NUP107: variants seen among roughly 807,000 people sequenced by gnomAD.
NUP107 encodes nucleoporin 107.
Under a neutral mutation model 141.0 loss-of-function variants are expected in NUP107, and 101 were observed. That is an observed-to-expected ratio of 0.72 (90% CI 0.61 to 0.84). The LOEUF is 0.84. NUP107 is among the 40% of genes least tolerant of loss of function. The pLI is 0.00. For synonymous variants in NUP107, 319 were observed against 363.9 expected (o/e 0.88, Z 1.41); for missense variants, 941 against 1,102.7 (o/e 0.85, Z 2.08).
Position 68,733,008 on chromosome 12 carries a change from T to G in NUP107, c.2101+269T>G, listed in dbSNP as rs755940881. Among the ~76,000 whole-genome samples the G allele has an allele frequency of 6.0e-4, 91 of 152,292 alleles. No homozygotes were observed. In the Middle Eastern group the frequency reaches 0.02, roughly 34 times the overall value. ...TTTTTATTCTTTTTTAAAACGTTTTTGTTCAAATTCGTGTATTTTTGAATT... is the reference window on the plus strand; with the variant it reads ...TTTTTATTCTTTTTTAAAACGTTTTGGTTCAAATTCGTGTATTTTTGAATT... On this transcript the variant is annotated intron_variant, in intron 23 of 27. Transcript: ENST00000229179.
chr12:68,718,234 T>A (rs564214166), intron 12 of NUP107, among the ~76,000 whole-genome samples: 10 of 152,322 alleles, frequency 6.6e-5, no homozygotes, highest in African/African-American at 2.4e-4. Context: ...ATATTTTCTT[T>A]CCCAGTATCT....
chr12:68,721,203 AT>A, intron 15 of NUP107, 26 bp downstream of exon 15: 2 of 1,506,380 alleles, frequency 1.3e-6, no homozygotes, highest in African/African-American at 1.4e-5. Flanking sequence ...TAATGTTTAA[AT>A]TTTTTCTGTG....
chr12:68,718,768 A>G (rs1238440123), intron 12 of NUP107, among the ~76,000 whole-genome samples: 1 of 152,134 alleles, frequency 6.6e-6, no homozygotes, highest in Non-Finnish European at 1.5e-5. Context: ...CTGTCTCTAC[A>G]AAAAAATTTA....
At chr12:68,740,183 T>G (rs1016618632) in intron 26 of NUP107, 3 of 151,816 alleles carry the variant, frequency 2.0e-5, no homozygotes, top group Non-Finnish European at 4.4e-5. Flanking sequence ...CAACAAGGAG[T>G]CAGAAGCCAG....
At chr12:68,730,786 GAA>G (rs1471179830) in intron 20 of NUP107, among the ~76,000 whole-genome samples, 1 of 152,002 alleles carries the variant, frequency 6.6e-6, no homozygotes, top group Non-Finnish European at 1.5e-5. Context: ...GCAGCATAGT[GAA>G]AAGCCATCTC....
chr12:68,729,425 C>T (rs1877717034), intron 20 of NUP107, among the ~76,000 whole-genome samples: 1 of 151,696 alleles, frequency 6.6e-6, no homozygotes, highest in South Asian at 2.1e-4. Context: ...TTATGACATA[C>T]CTTTTTTTTT....
chr12:68,687,336 G>A, intron 1 of NUP107: 2 of 754,982 alleles, frequency 2.6e-6, no homozygotes. Context: ...CAGCAACACT[G>A]TTCGCTCCTG....
chr12:68,693,404 GGTCTACAAAGACCAGCCCA>G (rs1453899075), intron 5 of NUP107, among the ~76,000 whole-genome samples: 1 of 151,806 alleles, frequency 6.6e-6, no homozygotes, highest in Non-Finnish European at 1.5e-5. Flanking sequence ...ATAGAGACAG[GGTCTACAAAGACCAGCCCA>G]GGCTGGTCTC....
At position 68,721,948 on chromosome 12, in the gene NUP107, T is replaced by C. The variant is rs1266801178; in HGVS notation, c.1419T>C (p.Asp473=). The part of the protein sequence containing the change: ...QEIQTSVATL[D]ETEELPREYL... ...TCCAGACATCAGTAGCAACTCTGGA[T>C]GAAACTGAAGAACTCCCTAGAGAAT... The change falls in exon 16 of 28, where the codon GAT becomes GAC. Residue 473 remains aspartate, a synonymous_variant. Coordinates refer to ENST00000229179, the MANE Select transcript of NUP107 (RefSeq NM_020401.4). The C allele has an allele frequency of 6.2e-7, 1 of 1,614,080 alleles. No homozygotes were observed.
intron 26 of NUP107, among the ~76,000 whole-genome samples, chr12:68,741,585 T>C (rs1478453804): frequency 1.3e-5 from 2 of 152,232 alleles, no homozygotes; most frequent in East Asian, 3.8e-4. Context: ...ATTCTTTTTA[T>C]GCATGTTTTT....
intron 10 of NUP107, among the ~76,000 whole-genome samples, chr12:68,712,395 G>A (rs977133960): frequency 7.3e-6 from 1 of 137,336 alleles, no homozygotes; most frequent in African/African-American, 2.8e-5. Flanking sequence ...TCCAGCCTGG[G>A]TAAAAAGAGC....
chr12:68,691,991 C>G lies in NUP107; in HGVS notation c.327C>G (p.Asn109Lys). Reference protein sequence around the residue: ...LSMVTNLDDSNWAAAFSSQRS... With the variant: ...LSMVTNLDDSKWAAAFSSQRS... Reference sequence around the variant, plus strand: ...AGGTTACTAATCTGGATGACAGTAACTGGGCAGCTGCATTTTCATCACAGC... The same window carrying G: ...AGGTTACTAATCTGGATGACAGTAAGTGGGCAGCTGCATTTTCATCACAGC... The change falls in exon 5 of 28, where the codon AAC becomes AAG. Residue 109 changes from asparagine to lysine, a missense_variant. Transcript: ENST00000229179. The G allele has an allele frequency of 6.2e-7, 1 of 1,602,212 alleles. No homozygotes were observed. The highest frequency in any genetic ancestry group is 1.1e-5 in the South Asian group (1 of 87,702).
intron 5 of NUP107, among the ~76,000 whole-genome samples, chr12:68,694,545 G>A (rs550189758): frequency 6.6e-6 from 1 of 152,130 alleles, no homozygotes; most frequent in South Asian, 2.1e-4. Flanking sequence ...TATCCAAAAT[G>A]TATAAAAACT....
At chr12:68,736,451 C>G (rs932704485) in intron 26 of NUP107, among the ~76,000 whole-genome samples, 2 of 152,128 alleles carry the variant, frequency 1.3e-5, no homozygotes, top group African/African-American at 4.8e-5. Context: ...AGGTCTTGCT[C>G]TATCACCCAG....
At chr12:68,712,214 G>T (rs1487585286) in intron 10 of NUP107, among the ~76,000 whole-genome samples, 1 of 151,950 alleles carries the variant, frequency 6.6e-6, no homozygotes, top group Admixed American at 6.6e-5. Flanking sequence ...CAGGTACAGT[G>T]GCTCACACCT....
chr12:68,704,932 G>C (rs1244449093), intron 8 of NUP107, among the ~76,000 whole-genome samples: 1 of 151,746 alleles, frequency 6.6e-6, no homozygotes, highest in East Asian at 1.9e-4. Context: ...TCACAGGCCA[G>C]AGTGCAGTGG....
At chr12:68,721,764 A>G in intron 15 of NUP107, 77 bp from the exon 16 acceptor site, 1 of 1,358,496 alleles carries the variant, frequency 7.4e-7, no homozygotes, top group Admixed American at 2.1e-5. Flanking sequence ...TATAGTCTGT[A>G]TCATTGGATG....
intron 20 of NUP107, among the ~76,000 whole-genome samples, chr12:68,728,282 T>C (rs777008619): frequency 3.6e-4 from 38 of 106,536 alleles, no homozygotes; most frequent in Admixed American, 1.1e-3. Context: ...AGTGAGACCA[T>C]CTCAAAAAAA....
chr12:68,689,536 A>G lies in NUP107; in HGVS notation c.104A>G (p.Gln35Arg), dbSNP rs1383391132. Residue 35 changes from glutamine (Q) to arginine (R), a missense_variant, in exon 3 of 28, where the codon CAG becomes CGG. Coordinates refer to ENST00000229179, the MANE Select transcript of NUP107 (RefSeq NM_020401.4). The part of the protein sequence containing the change: ...KQSAQKRVLL[Q>R]ASQDENFGNT... ...CTTTTCTTAACTCGTTGTACAGTTCAGGCATCTCAAGATGAAAATTTTGGT... is the reference window on the plus strand; with the variant it reads ...CTTTTCTTAACTCGTTGTACAGTTCGGGCATCTCAAGATGAAAATTTTGGT... 4 of 1,599,748 alleles carry G rather than the reference A, an allele frequency of 2.5e-6. No individual in the cohort carries two copies. The African/African-American group carries it at 5.4e-5, about 21-fold the overall frequency.
Sources: gnomAD v4.1 joint callset for allele counts (sites outside exome capture counted in the v4.1 genomes callset) on GRCh38, gnomAD v4.1.1 for gene constraint, MANE v1.5 for transcripts, NCBI Gene and HGNC (gene_info 2026-07-23, HGNC 2026-07-21) for gene names.